The following FAM120B variants were observed in gnomAD, a reference collection of about 807,000 sequenced individuals.
The protein encoded by FAM120B is constitutive coactivator of peroxisome proliferator-activated receptor gamma.
FAM120B carries 83 observed loss-of-function variants against 96.3 expected under a neutral mutation model. The observed-to-expected ratio is 0.86, with a 90% confidence interval of 0.72 to 1.03. The LOEUF is 1.03. FAM120B is among the 50% of genes least tolerant of loss of function. The pLI is 0.00. For synonymous variants in FAM120B, 407 were observed against 402.7 expected (o/e 1.01, Z -0.13); for missense variants, 1,027 against 1,121.2 (o/e 0.92, Z 1.20).
intron 4 of FAM120B, among the ~76,000 whole-genome samples, chr6:170,346,998 A>G (rs1370409468): frequency 1.3e-5 from 2 of 152,202 alleles, no homozygotes; most frequent in Non-Finnish European, 2.9e-5. Context: ...ATAAATAATG[A>G]AAAAGCTTTT....
At chr6:170,359,708 G>A (rs538495339) in intron 6 of FAM120B, among the ~76,000 whole-genome samples, 269 of 152,114 alleles carry the variant, frequency 1.8e-3, no homozygotes, top group African/African-American at 6.3e-3. Context: ...CAAAGTGCTG[G>A]GATTATAGGT....
intron 4 of FAM120B, among the ~76,000 whole-genome samples, chr6:170,345,330 A>G (rs1787107299): frequency 6.6e-6 from 1 of 152,234 alleles, no homozygotes. Flanking sequence ...CAGGCTGGGC[A>G]CGGTGACTCA....
At chr6:170,296,854 G>A (rs538666045) in intron 1 of FAM120B, among the ~76,000 whole-genome samples, 2 of 152,176 alleles carry the variant, frequency 1.3e-5, no homozygotes, top group African/African-American at 4.8e-5. Context: ...CATCCGGGGG[G>A]TCGAGGCGTC....
intron 1 of FAM120B, among the ~76,000 whole-genome samples, chr6:170,308,876 C>T (rs1212432184): frequency 1.3e-5 from 2 of 152,200 alleles, no homozygotes; most frequent in Admixed American, 6.5e-5. Context: ...CCTGCCATAA[C>T]CTGACTTTAT....
chr6:170,376,036 A>T (rs1789491342), intron 6 of FAM120B, among the ~76,000 whole-genome samples: 1 of 152,186 alleles, frequency 6.6e-6, no homozygotes, highest in African/African-American at 2.4e-5. Flanking sequence ...GGGAGCTGTA[A>T]TGAATTACCT....
chr6:170,404,906 G>T lies in FAM120B; in HGVS notation c.*155G>T. On this transcript the variant is annotated 3_prime_UTR_variant, in exon 11 of 11. Coordinates refer to ENST00000476287, the MANE Select transcript of FAM120B (RefSeq NM_032448.3). Reference sequence around the variant, plus strand: ...AAGGAACGATGCCTTTTTCAATGGTGTCTCCCTCCCATTGTGCAGAAGAGC... The same window carrying T: ...AAGGAACGATGCCTTTTTCAATGGTTTCTCCCTCCCATTGTGCAGAAGAGC... 2.7e-6 allele frequency: 1 copy of T among 374,674 alleles called. No individual in the cohort carries two copies. Among genetic ancestry groups the T allele is most frequent in the Non-Finnish European group, 4.8e-6 (1 of 206,194 alleles). The allele number at this position is 374,674 out of a possible 1,614,324, so 23.2% of individuals were successfully genotyped here.
chr6:170,376,894 G>A (rs1048674820), intron 6 of FAM120B, among the ~76,000 whole-genome samples: 1 of 152,082 alleles, frequency 6.6e-6, no homozygotes, highest in Non-Finnish European at 1.5e-5. Flanking sequence ...GAGCAAGCGG[G>A]GAATGCCACT....
chr6:170,315,500 A>G (rs1035243341), intron 1 of FAM120B, among the ~76,000 whole-genome samples: 2 of 152,174 alleles, frequency 1.3e-5, no homozygotes, highest in East Asian at 1.9e-4. Flanking sequence ...TAATCACACT[A>G]TGAAGCCCAG....
chr6:170,351,136 C>G (rs1377640694), intron 5 of FAM120B, among the ~76,000 whole-genome samples: 5 of 152,000 alleles, frequency 3.3e-5, no homozygotes, highest in Admixed American at 2.0e-4. Flanking sequence ...AAGAAATTCA[C>G]AGAACTTCAC....
intron 6 of FAM120B, among the ~76,000 whole-genome samples, chr6:170,387,244 C>CT (rs1230381697): frequency 1.3e-5 from 2 of 152,176 alleles, no homozygotes; most frequent in Non-Finnish European, 2.9e-5. Flanking sequence ...GATTAACTCT[C>CT]GGATAATCTC....
intron 1 of FAM120B, among the ~76,000 whole-genome samples, chr6:170,308,723 A>G (rs928865726): frequency 2.0e-5 from 3 of 152,174 alleles, no homozygotes; most frequent in African/African-American, 4.8e-5. Context: ...AAAACTGGCT[A>G]TTTGTCATAT....
intron 6 of FAM120B, among the ~76,000 whole-genome samples, chr6:170,360,939 C>T (rs1480393764): frequency 6.6e-6 from 1 of 151,878 alleles, no homozygotes; most frequent in Non-Finnish European, 1.5e-5. Context: ...GGTGCAGCCT[C>T]CCCACAGCCT....
At chr6:170,325,039 G>T (rs961871891) in intron 3 of FAM120B, among the ~76,000 whole-genome samples, 2 of 152,166 alleles carry the variant, frequency 1.3e-5, no homozygotes, top group Admixed American at 6.5e-5. Flanking sequence ...AGCTCTTACT[G>T]TGGATTTGTC....
chr6:170,320,517 A>G (rs1000673476), intron 2 of FAM120B, among the ~76,000 whole-genome samples: 2 of 152,232 alleles, frequency 1.3e-5, no homozygotes, highest in African/African-American at 4.8e-5. Context: ...AAACTAATAA[A>G]TAAGTCTTGC....
chr6:170,306,318 C>A (rs1784280130), upstream of FAM120B, among the ~76,000 whole-genome samples: 1 of 152,124 alleles, frequency 6.6e-6, no homozygotes, highest in Non-Finnish European at 1.5e-5. Context: ...TCCCCGTTTC[C>A]GGCCCAGGCG....
chr6:170,364,129 G>C (rs1464769969), intron 6 of FAM120B, among the ~76,000 whole-genome samples: 1 of 152,204 alleles, frequency 6.6e-6, no homozygotes, highest in African/African-American at 2.4e-5. Context: ...CACTGAGAGA[G>C]ATGCCTGCCC....
In FAM120B at chr6:170,346,860, A is replaced by G. The variant is rs73034960; in HGVS notation, c.2018-1291A>G. 7.4e-3 allele frequency among the ~76,000 whole-genome samples: 1,123 copies of G among 152,270 alleles called. 7 individuals carry two copies. Among genetic ancestry groups the G allele is most frequent in the Middle Eastern group, 0.024 (7 of 294 alleles). On this transcript the variant is annotated intron_variant, in intron 4 of 10. Coordinates refer to ENST00000476287, the MANE Select transcript of FAM120B (RefSeq NM_032448.3). The stretch of plus-strand genomic sequence containing the variant: ...CCTGAAAGTATGTTTCTAAGAAGTA[A>G]TTACTGACACTTGTGGTTGTCTTGG...
At chr6:170,327,776 A>G (rs1444987647) in intron 3 of FAM120B, among the ~76,000 whole-genome samples, 4 of 146,460 alleles carry the variant, frequency 2.7e-5, no homozygotes, top group Admixed American at 2.7e-4. Context: ...TGGGAAGGCC[A>G]GGACACGACC....
chr6:170,399,316 A>C (rs1778404158), intron 9 of FAM120B, among the ~76,000 whole-genome samples: 1 of 149,076 alleles, frequency 6.7e-6, no homozygotes, highest in Non-Finnish European at 1.5e-5. Flanking sequence ...CATAACTCTT[A>C]GGAGTGAGTG....
Sources: gnomAD v4.1 joint callset for allele counts (sites outside exome capture counted in the v4.1 genomes callset) on GRCh38, gnomAD v4.1.1 for gene constraint, MANE v1.5 for transcripts, NCBI Gene and HGNC (gene_info 2026-07-23, HGNC 2026-07-21) for gene names.